The following CANX variants were observed in gnomAD, a reference collection of about 807,000 sequenced individuals.
CANX encodes epididymis secretory sperm binding protein.
CANX carries 14 observed loss-of-function variants against 75.7 expected under a neutral mutation model. That is an observed-to-expected ratio of 0.19 (90% CI 0.12 to 0.29). The LOEUF (loss-of-function observed/expected upper bound fraction) is 0.29. Ranked by LOEUF, CANX falls within the 10% of genes least tolerant of loss-of-function variation. The pLI is 1.00. For synonymous variants in CANX, 227 were observed against 236.9 expected (o/e 0.96, Z 0.38); for missense variants, 567 against 713.2 (o/e 0.79, Z 2.34).
chr5:179,706,129 T>G, intron 2 of CANX, 129 bp from the exon 3 acceptor site: 1 of 621,308 alleles, frequency 1.6e-6, no homozygotes, highest in East Asian at 2.8e-5. Flanking sequence ...GCCAATTATA[T>G]GGGTTGAATT....
Position 179,730,329 on chromosome 5 carries a change from A to G in CANX, c.*1685A>G, listed in dbSNP as rs1778921463. 6.6e-6 allele frequency: 1 copy of G among 151,746 alleles called. No individual in the cohort carries two copies. Among genetic ancestry groups the G allele is most frequent in the Non-Finnish European group, 1.5e-5 (1 of 67,906 alleles). The allele number at this position is 151,746 out of a possible 1,614,324, so 9.4% of individuals were successfully genotyped here. ...TTAAATTCTTTTGAGGATGGGATGTATTTTTCTTGCTGTTCAGTGCTTTTT... is the reference window on the plus strand; with the variant it reads ...TTAAATTCTTTTGAGGATGGGATGTGTTTTTCTTGCTGTTCAGTGCTTTTT... On this transcript the variant is annotated 3_prime_UTR_variant, in exon 15 of 15. Transcript: ENST00000247461.
At chr5:179,722,370 C>T (rs1027958271) in intron 10 of CANX, among the ~76,000 whole-genome samples, 1 of 152,194 alleles carries the variant, frequency 6.6e-6, no homozygotes, top group Non-Finnish European at 1.5e-5. Flanking sequence ...CTGTAATAAT[C>T]CTTGTACATG....
At chr5:179,693,485 C>A (rs10064170), upstream of CANX, among the ~76,000 whole-genome samples, 29 of 150,866 alleles carry the variant, frequency 1.9e-4, no homozygotes, top group African/African-American at 6.8e-4. Flanking sequence ...ACCAGCCTGG[C>A]CAACATGGCG....
At chr5:179,723,621 A>G (rs759498627) in intron 11 of CANX, 39 bp from the exon 12 acceptor site, 140 of 1,606,086 alleles carry the variant, frequency 8.7e-5, no homozygotes, top group Non-Finnish European at 9.5e-5. Flanking sequence ...TTTGGTGTCA[A>G]AAGCTGGAAC....
In CANX at chr5:179,728,841, C is replaced by G. The variant is rs1778832098; in HGVS notation, c.*197C>G. ...TACTTGCAGTTGTGATATAAAGGAC[C>G]CTGTTTCTGTAGAAAAGAAAACATT... On this transcript the variant is annotated 3_prime_UTR_variant, in exon 15 of 15. Transcript: ENST00000247461. 5 of 673,648 alleles carry G rather than the reference C, an allele frequency of 7.4e-6. No homozygotes were observed. Among genetic ancestry groups the G allele is most frequent in the East Asian group, 2.9e-5 (1 of 34,598 alleles). The allele number at this position is 673,648 out of a possible 1,614,324, so 41.7% of individuals were successfully genotyped here.
At chr5:179,713,637 C>A (rs994894311) in intron 7 of CANX, among the ~76,000 whole-genome samples, 2 of 152,022 alleles carry the variant, frequency 1.3e-5, no homozygotes, top group Non-Finnish European at 2.9e-5. Context: ...GTAAATGGAG[C>A]CAGGTGCAGT....
intron 7 of CANX, among the ~76,000 whole-genome samples, chr5:179,712,117 G>GTT (rs766549898): frequency 8.6e-5 from 11 of 127,790 alleles, no homozygotes; most frequent in Admixed American, 1.6e-4. Context: ...AAAAAAAGGT[G>GTT]TTTTTTTTTT....
chr5:179,688,403 G>A (rs1238508749), intron 1 of CANX, among the ~76,000 whole-genome samples: 5 of 106,660 alleles, frequency 4.7e-5, no homozygotes, highest in Non-Finnish European at 9.2e-5. Flanking sequence ...TCACTCTGTC[G>A]CCCAGGCTGG....
At chr5:179,683,050 AGCCCGGTGGT>A (rs1254031523) in intron 1 of CANX, among the ~76,000 whole-genome samples, 2 of 152,242 alleles carry the variant, frequency 1.3e-5, no homozygotes, top group African/African-American at 4.8e-5. Flanking sequence ...GCTGGGGCAG[AGCCCGGTGGT>A]GGTGCCACCT....
intron 1 of CANX, among the ~76,000 whole-genome samples, chr5:179,679,466 A>G (rs1418555259): frequency 6.6e-6 from 1 of 152,204 alleles, no homozygotes; most frequent in African/African-American, 2.4e-5. Flanking sequence ...ACTGAGGATC[A>G]GGCCCTGGGA....
chr5:179,693,270 T>TG (rs1438481251), intron 1 of CANX, among the ~76,000 whole-genome samples: 1 of 152,054 alleles, frequency 6.6e-6, no homozygotes, highest in African/African-American at 2.4e-5. Flanking sequence ...CCAGGTGCTG[T>TG]GGTTCACACC....
At chr5:179,679,565 A>G (rs2058469720) in intron 1 of CANX, among the ~76,000 whole-genome samples, 1 of 152,192 alleles carries the variant, frequency 6.6e-6, no homozygotes, top group South Asian at 2.1e-4. Flanking sequence ...AAGACAAGTA[A>G]GTAGGTACTT....
At chr5:179,693,231 A>G (rs1048735667) in intron 1 of CANX, among the ~76,000 whole-genome samples, 1 of 151,888 alleles carries the variant, frequency 6.6e-6, no homozygotes, top group African/African-American at 2.4e-5. Flanking sequence ...AAAAAAATAT[A>G]TATGGTTAAT....
upstream of CANX, among the ~76,000 whole-genome samples, chr5:179,697,977 C>T (rs1776462624): frequency 6.6e-6 from 1 of 152,126 alleles, no homozygotes; most frequent in Non-Finnish European, 1.5e-5. Flanking sequence ...TTCCCCTTCC[C>T]GGTGGCAAGA....
At chr5:179,721,661 G>A (rs1441311100) in intron 10 of CANX, among the ~76,000 whole-genome samples, 2 of 152,140 alleles carry the variant, frequency 1.3e-5, no homozygotes, top group Non-Finnish European at 2.9e-5. Flanking sequence ...AAGTAGTAAG[G>A]TTGTGAGGCT....
At chr5:179,687,739 A>C (rs181430496) in intron 1 of CANX, among the ~76,000 whole-genome samples, 8 of 152,202 alleles carry the variant, frequency 5.3e-5, no homozygotes, top group Admixed American at 2.0e-4. Context: ...CTATGTTATT[A>C]AAGTCAATTT....
At chr5:179,715,211 A>G (rs1366042624) in intron 7 of CANX, among the ~76,000 whole-genome samples, 2 of 152,206 alleles carry the variant, frequency 1.3e-5, no homozygotes, top group African/African-American at 4.8e-5. Context: ...CTGGGCTTTA[A>G]TATACATCAC....
rs1562471076 is a variant in CANX at position 179,705,838 on chromosome 5, CCTTCAT to C, written c.160_165del (p.Ser54_Ser55del). 1 of 1,613,384 alleles carries C rather than the reference CCTTCAT, an allele frequency of 6.2e-7. No individual in the cohort carries two copies. Reference sequence around the variant, plus strand: ...CTCAAAACCAGATACCACTGCTCCTCCTTCATCTCCCAAGGTTTGAAATGGTCTTTG... The same window carrying C: ...CTCAAAACCAGATACCACTGCTCCTCCTCCCAAGGTTTGAAATGGTCTTTG... On this transcript the variant is annotated inframe_deletion, in exon 2 of 15. Transcript: ENST00000247461.
intron 11 of CANX, 139 bp downstream of exon 11, chr5:179,723,158 T>G (rs1778421008): frequency 1.4e-6 from 1 of 703,172 alleles, no homozygotes; most frequent in Non-Finnish European, 2.4e-6. Flanking sequence ...AAAGACACAA[T>G]ATTGGGTTTT....
Sources: gnomAD v4.1 joint callset for allele counts (sites outside exome capture counted in the v4.1 genomes callset) on GRCh38, gnomAD v4.1.1 for gene constraint, MANE v1.5 for transcripts, NCBI Gene and HGNC (gene_info 2026-07-23, HGNC 2026-07-21) for gene names.